TSHZ2: variants seen among roughly 807,000 people sequenced by gnomAD.
The protein encoded by TSHZ2 is teashirt zinc finger homeobox 2.
Under a neutral mutation model 74.4 loss-of-function variants are expected in TSHZ2, and 21 were observed. That is an observed-to-expected ratio of 0.28 (90% CI 0.20 to 0.41). TSHZ2 has a LOEUF of 0.41. Among genes scored for constraint, TSHZ2 ranks in the 10% least tolerant of loss-of-function variants. TSHZ2 has a pLI of 1.00. For synonymous variants in TSHZ2, 540 were observed against 515.3 expected, an observed-to-expected ratio of 1.05 and a Z score of -0.65; for missense variants, 1,244 against 1,293.5, an observed-to-expected ratio of 0.96 and a Z score of 0.59.
chr20:53,054,546 C>T (rs905478980), intron 1 of TSHZ2, among the ~76,000 whole-genome samples: 5 of 152,150 alleles, frequency 3.3e-5, no homozygotes, highest in Non-Finnish European at 7.4e-5. Context: ...GAAATCCTTC[C>T]ATTGAAACAT....
intron 2 of TSHZ2, among the ~76,000 whole-genome samples, chr20:53,313,543 C>G (rs560501654): frequency 2.6e-4 from 39 of 152,300 alleles, no homozygotes; most frequent in African/African-American, 8.9e-4. Flanking sequence ...TGCCAGCTCT[C>G]CATCTCATCC....
chr20:53,213,488 G>A (rs1335464077), intron 1 of TSHZ2, among the ~76,000 whole-genome samples: 1 of 152,104 alleles, frequency 6.6e-6, no homozygotes, highest in Non-Finnish European at 1.5e-5. Flanking sequence ...AGCAAAAAGT[G>A]TTTAAAGTTT....
chr20:53,297,466 C>A (rs1395879999), intron 2 of TSHZ2, among the ~76,000 whole-genome samples: 2 of 152,100 alleles, frequency 1.3e-5, no homozygotes, highest in Non-Finnish European at 2.9e-5. Flanking sequence ...AACACTTGGG[C>A]TCAAGCTATC....
At chr20:53,101,713 T>C (rs141539047) in intron 1 of TSHZ2, among the ~76,000 whole-genome samples, 12 of 152,336 alleles carry the variant, frequency 7.9e-5, no homozygotes, top group African/African-American at 2.9e-4. Context: ...ACTTTGAAAT[T>C]TGAAACAAGA....
intron 2 of TSHZ2, among the ~76,000 whole-genome samples, chr20:53,266,318 A>G (rs1990715869): frequency 2.6e-5 from 4 of 152,164 alleles, no homozygotes; most frequent in Non-Finnish European, 4.4e-5. Context: ...TCTGGAAACA[A>G]GAAGTTCAAT....
intron 1 of TSHZ2, among the ~76,000 whole-genome samples, chr20:53,147,134 A>C (rs1479291237): frequency 2.0e-5 from 3 of 151,916 alleles, no homozygotes; most frequent in African/African-American, 7.3e-5. Context: ...TGTGATCTCA[A>C]CTCAGCTTAT....
At chr20:53,062,078 T>C (rs1984839935) in intron 1 of TSHZ2, among the ~76,000 whole-genome samples, 1 of 152,212 alleles carries the variant, frequency 6.6e-6, no homozygotes, top group Non-Finnish European at 1.5e-5. Flanking sequence ...GATGTGTTTT[T>C]ATACCTTACC....
At chr20:53,463,446 G>T (rs1985459249) in intron 2 of TSHZ2, among the ~76,000 whole-genome samples, 1 of 143,620 alleles carries the variant, frequency 7.0e-6, no homozygotes, top group Non-Finnish European at 1.5e-5. Flanking sequence ...AGGGAGGGAG[G>T]GAAGGAAGGA....
At chr20:53,458,429 A>G (rs905675522) in intron 2 of TSHZ2, among the ~76,000 whole-genome samples, 9 of 152,042 alleles carry the variant, frequency 5.9e-5, no homozygotes, top group African/African-American at 1.9e-4. Context: ...TTTTTATTAC[A>G]TCTATTTGAT....
chr20:53,436,544 T>TC (rs1984082738), intron 2 of TSHZ2, among the ~76,000 whole-genome samples: 1 of 81,216 alleles, frequency 1.2e-5, no homozygotes, highest in African/African-American at 4.8e-5. Context: ...TTATTATTAT[T>TC]ATTATTTTTT....
At chr20:53,472,972 G>A (rs906335645) in intron 2 of TSHZ2, among the ~76,000 whole-genome samples, 28 of 152,128 alleles carry the variant, frequency 1.8e-4, no homozygotes, top group Middle Eastern at 3.4e-3. Flanking sequence ...GGCGCACCAC[G>A]AGATTATATC....
intron 2 of TSHZ2, among the ~76,000 whole-genome samples, chr20:53,444,483 G>A (rs1984474854): frequency 6.6e-6 from 1 of 152,180 alleles, no homozygotes; most frequent in Admixed American, 6.5e-5. Context: ...AGTGTGCTGG[G>A]AATCACCAGG....
chr20:53,375,001 TA>T (rs906619347), intron 2 of TSHZ2, among the ~76,000 whole-genome samples: 1 of 151,972 alleles, frequency 6.6e-6, no homozygotes, highest in African/African-American at 2.4e-5. Flanking sequence ...TTTATGGGCA[TA>T]TTTTTAAAAT....
intron 2 of TSHZ2, among the ~76,000 whole-genome samples, chr20:53,417,188 A>G (rs902188830): frequency 6.6e-6 from 1 of 151,664 alleles, no homozygotes; most frequent in African/African-American, 2.4e-5. Context: ...AGAACTAAGC[A>G]CCATCTTGCA....
chr20:53,449,217 C>T (rs537156232), intron 2 of TSHZ2, among the ~76,000 whole-genome samples: 1 of 152,322 alleles, frequency 6.6e-6, no homozygotes, highest in South Asian at 2.1e-4. Context: ...TCAGAGAGCC[C>T]TAGGTTCAAA....
At chr20:53,331,737 A>AAATGTAC (rs11474548) in intron 2 of TSHZ2, among the ~76,000 whole-genome samples, 1 of 151,158 alleles carries the variant, frequency 6.6e-6, no homozygotes, top group Non-Finnish European at 1.5e-5. Context: ...CAGATTAGGA[A>AAATGTAC]AAGGGTTATG....
chr20:53,205,682 A>G (rs943057259), intron 1 of TSHZ2, among the ~76,000 whole-genome samples: 5 of 152,180 alleles, frequency 3.3e-5, no homozygotes, highest in Admixed American at 1.3e-4. Context: ...TTTATGGAAT[A>G]GACTCATGGG....
rs543922990 is a variant in TSHZ2 at position 53,151,267 on chromosome 20, T to C, written c.41-102232T>C. Reference sequence around the variant, plus strand: ...TTATACTGGTGCCTATTCGCTGAGATGGATCAAGAATGGACTAAGTAAAGA... The same window carrying C: ...TTATACTGGTGCCTATTCGCTGAGACGGATCAAGAATGGACTAAGTAAAGA... On this transcript the variant is annotated intron_variant, in intron 1 of 2. Coordinates refer to ENST00000371497, the MANE Select transcript of TSHZ2 (RefSeq NM_173485.6). Among the ~76,000 whole-genome samples the C allele has an allele frequency of 2.6e-5, 4 of 152,334 alleles. No individual in the cohort carries two copies. In the East Asian group the frequency reaches 7.7e-4, roughly 29 times the overall value.
intron 2 of TSHZ2, among the ~76,000 whole-genome samples, chr20:53,372,430 T>A (rs577226271): frequency 1.3e-4 from 20 of 151,160 alleles, no homozygotes; most frequent in African/African-American, 4.4e-4. Context: ...TGATCGGAGA[T>A]CACACCACTA....
Sources: gnomAD v4.1 joint callset for allele counts (sites outside exome capture counted in the v4.1 genomes callset) on GRCh38, gnomAD v4.1.1 for gene constraint, MANE v1.5 for transcripts, NCBI Gene and HGNC (gene_info 2026-07-23, HGNC 2026-07-21) for gene names.